Variants in CAMK4 observed in about 807,000 individuals in gnomAD.
CAMK4 encodes the protein calcium/calmodulin-dependent protein kinase type IV.
In CAMK4, 22 loss-of-function variants were observed where a neutral mutation model predicts 44.9. The observed-to-expected ratio is 0.49, with a 90% CI of 0.35 to 0.70. CAMK4 has a LOEUF of 0.70. Ranked by LOEUF, CAMK4 falls within the 30% of genes least tolerant of loss-of-function variation. The probability of loss-of-function intolerance (pLI) is 0.01; values close to 1 mark genes in which losing one functional copy is unlikely to be tolerated. For missense variants in CAMK4, 498 were observed against 586.8 expected (o/e 0.85, Z 1.56); for synonymous variants, 218 against 215.4 (o/e 1.01, Z -0.11).
At chr5:111,293,212 G>A (rs773273387) in intron 1 of CAMK4, among the ~76,000 whole-genome samples, 11 of 152,120 alleles carry the variant, frequency 7.2e-5, no homozygotes, top group Non-Finnish European at 1.3e-4. Flanking sequence ...GAAATGGCAC[G>A]TGTCATACAT....
intron 5 of CAMK4, among the ~76,000 whole-genome samples, chr5:111,395,222 A>AAAG (rs1751956740): frequency 9.6e-6 from 1 of 104,582 alleles, no homozygotes; most frequent in East Asian, 3.0e-4. Context: ...AAAAAAAAAA[A>AAAG]AAAAAGAAAA....
rs1046067203 is a variant in CAMK4, at chr5:111,224,948, A to G, written c.161+304A>G. 8.6e-5 allele frequency among the ~76,000 whole-genome samples: 13 copies of G among 151,774 alleles called. No individual in the cohort carries two copies. The highest frequency in any genetic ancestry group is 1.9e-4 in the East Asian group (1 of 5,136). On this transcript the variant is annotated intron_variant, in intron 1 of 10. Transcript: ENST00000282356. The surrounding 1 kb of genome is among the most constrained non-coding windows in gnomAD (Gnocchi z 5.7). ...ACCGCACGTGGGCCCTGCTTTCCCA[A>G]TTGATATCTTTGCTCACGATTATAG...
chr5:111,282,739 C>A (rs1751076384), intron 1 of CAMK4, among the ~76,000 whole-genome samples: 1 of 152,140 alleles, frequency 6.6e-6, no homozygotes, highest in South Asian at 2.1e-4. Flanking sequence ...AAGATCTATC[C>A]TTGTACAGTG....
intron 5 of CAMK4, among the ~76,000 whole-genome samples, chr5:111,420,286 T>G (rs1752976871): frequency 6.6e-6 from 1 of 152,186 alleles, no homozygotes; most frequent in African/African-American, 2.4e-5. Flanking sequence ...TGTACATTGA[T>G]TTTGTATCCT....
At chr5:111,438,995 C>T (rs1457542377) in intron 5 of CAMK4, among the ~76,000 whole-genome samples, 1 of 152,162 alleles carries the variant, frequency 6.6e-6, no homozygotes, top group Admixed American at 6.5e-5. Flanking sequence ...ACCGGAGTAG[C>T]CTTTGCCTCT....
intron 9 of CAMK4, among the ~76,000 whole-genome samples, chr5:111,480,348 G>A (rs1204702255): frequency 6.7e-6 from 1 of 149,764 alleles, no homozygotes; most frequent in Non-Finnish European, 1.5e-5. Context: ...TGGGAGGCAT[G>A]GTCGGCCTTC....
At chr5:111,323,596 A>C (rs1455987818) in intron 1 of CAMK4, among the ~76,000 whole-genome samples, 2 of 152,086 alleles carry the variant, frequency 1.3e-5, no homozygotes, top group African/African-American at 4.8e-5. Flanking sequence ...CAATGGAACA[A>C]CACCTTCAAA....
intron 5 of CAMK4, among the ~76,000 whole-genome samples, chr5:111,443,317 A>ATATATAC (rs1561491419): frequency 3.9e-5 from 5 of 127,660 alleles, no homozygotes; most frequent in East Asian, 2.2e-4. Context: ...CACACACACT[A>ATATATAC]TATATATATA....
intron 1 of CAMK4, among the ~76,000 whole-genome samples, chr5:111,294,571 A>G (rs1408449232): frequency 6.6e-6 from 1 of 152,210 alleles, no homozygotes; most frequent in Non-Finnish European, 1.5e-5. Context: ...TATTCAGTTC[A>G]AAAGCAAGAT....
intron 5 of CAMK4, among the ~76,000 whole-genome samples, chr5:111,430,450 C>A (rs541141090): frequency 6.6e-6 from 1 of 152,282 alleles, no homozygotes; most frequent in Non-Finnish European, 1.5e-5. Context: ...ATAGTACTGG[C>A]AGCCCTAGCT....
intron 1 of CAMK4, among the ~76,000 whole-genome samples, chr5:111,239,542 G>C (rs186956031): frequency 1.3e-5 from 2 of 152,146 alleles, no homozygotes; most frequent in African/African-American, 4.8e-5. Context: ...TAAATATTAA[G>C]ATAAATGAAA....
chr5:111,257,442 T>A (rs765868472), intron 1 of CAMK4, among the ~76,000 whole-genome samples: 1 of 152,226 alleles, frequency 6.6e-6, no homozygotes, highest in Non-Finnish European at 1.5e-5. Flanking sequence ...AAGACCACAT[T>A]GAGATATCAT....
At chr5:111,240,378 C>T (rs1023745383) in intron 1 of CAMK4, among the ~76,000 whole-genome samples, 1 of 151,158 alleles carries the variant, frequency 6.6e-6, no homozygotes, top group African/African-American at 2.4e-5. Context: ...GCTGATAAAA[C>T]AATACATCAC....
chr5:111,388,705 G>A (rs540425041), intron 4 of CAMK4, among the ~76,000 whole-genome samples: 6 of 152,284 alleles, frequency 3.9e-5, no homozygotes, highest in Admixed American at 2.0e-4. Flanking sequence ...GCCCATGAGT[G>A]CAGAGGCCAT....
At chr5:111,270,551 T>G (rs1189449441) in intron 1 of CAMK4, among the ~76,000 whole-genome samples, 1 of 152,272 alleles carries the variant, frequency 6.6e-6, no homozygotes, top group Admixed American at 6.5e-5. Context: ...ACATGATTAC[T>G]GTCAAAACAA....
intron 1 of CAMK4, among the ~76,000 whole-genome samples, chr5:111,338,742 G>A (rs1749514341): frequency 6.6e-6 from 1 of 151,282 alleles, no homozygotes; most frequent in African/African-American, 2.4e-5. Context: ...GCTTGCTTTT[G>A]TCGAATTGTT....
intron 8 of CAMK4, among the ~76,000 whole-genome samples, chr5:111,474,704 A>C (rs1755176823): frequency 6.6e-6 from 1 of 152,146 alleles, no homozygotes. Context: ...GGAATGGGCT[A>C]ACTGTGGTAG....
intron 1 of CAMK4, chr5:111,277,714 A>G (rs1750832834): frequency 6.6e-6 from 1 of 152,074 alleles, no homozygotes; most frequent in Non-Finnish European, 1.5e-5. Context: ...ATGATACACA[A>G]TTTTTTGTGT....
At position 111,493,691 on chromosome 5, in the gene CAMK4, A is replaced by G. The variant is rs1263466321; in HGVS notation, c.*9225A>G. On this transcript the variant is annotated 3_prime_UTR_variant, in exon 11 of 11. Transcript: ENST00000282356. This position sits in a 1 kb window ranked among gnomAD's most constrained non-coding sequence, Gnocchi z 4.1. ...TTTCATCTCTCCCTTTTGTCCCTTT[A>G]CATACTGTTTTGTAAGTTCCTTTTG... 6.6e-6 allele frequency: 1 copy of G among 152,104 alleles called. No homozygotes were observed. The highest frequency in any genetic ancestry group is 1.5e-5 in the Non-Finnish European group (1 of 68,012). The allele number at this position is 152,104 out of a possible 1,614,324, so 9.4% of individuals were successfully genotyped here.
Sources: allele counts gnomAD v4.1 joint callset (sites outside exome capture counted in the v4.1 genomes callset), GRCh38; gene constraint gnomAD v4.1.1; non-coding constraint Gnocchi (gnomAD v3.1); transcripts MANE v1.5; gene names NCBI Gene and HGNC (gene_info 2026-07-23, HGNC 2026-07-21).